Variants in PLAA observed in about 807,000 individuals in gnomAD.
PLAA encodes the protein phospholipase A2 activating protein.
In PLAA, 48 loss-of-function variants were observed where a neutral mutation model predicts 84.1. The ratio of observed to expected loss-of-function variants is 0.57; its 90% CI spans 0.45 to 0.73. The LOEUF (loss-of-function observed/expected upper bound fraction) is 0.73, where lower values mean the gene tolerates loss of function less well. PLAA is among the 30% of genes least tolerant of loss of function. The pLI, the probability that PLAA is intolerant of heterozygous loss-of-function variation, is 0.00. For missense variants in PLAA, 903 were observed against 954.7 expected, an observed-to-expected ratio of 0.95 and a Z score of 0.71; for synonymous variants, 392 against 336.6, an observed-to-expected ratio of 1.16 and a Z score of -1.80.
intron 1 of PLAA, among the ~76,000 whole-genome samples, chr9:26,941,795 C>G (rs1825553538): frequency 6.7e-6 from 1 of 149,990 alleles, no homozygotes; most frequent in Non-Finnish European, 1.5e-5. Context: ...AAAGCAAGTT[C>G]AATATCTGAA....
At chr9:26,946,748 C>T in intron 1 of PLAA, 149 bp downstream of exon 1, 1 of 962,254 alleles carries the variant, frequency 1.0e-6, no homozygotes, top group African/African-American at 1.7e-5. Context: ...TTACAGAGTT[C>T]TAATAGTCTG....
At chr9:26,940,657 G>A (rs1223947586) in intron 1 of PLAA, among the ~76,000 whole-genome samples, 2 of 152,144 alleles carry the variant, frequency 1.3e-5, no homozygotes, top group Non-Finnish European at 2.9e-5. Flanking sequence ...TATGTTTTGT[G>A]TATTGTATCA....
intron 9 of PLAA, among the ~76,000 whole-genome samples, 170 bp from the exon 10 acceptor site, chr9:26,917,335 A>C (rs1267604096): frequency 6.6e-6 from 1 of 152,236 alleles, no homozygotes. Context: ...CTGGGAAAAA[A>C]CTGAAATTTT....
chr9:26,916,655 C>T (rs559435649), intron 10 of PLAA: 4 of 990,296 alleles, frequency 4.0e-6, no homozygotes, highest in Admixed American at 6.0e-5. Flanking sequence ...GGTAGCATCT[C>T]GCCAGTGATA....
chr9:26,925,625 C>T (rs146074640), intron 6 of PLAA, among the ~76,000 whole-genome samples, 200 bp downstream of exon 6: 5 of 151,342 alleles, frequency 3.3e-5, no homozygotes, highest in African/African-American at 1.2e-4. Flanking sequence ...ATTGACTGCA[C>T]AATTGCAGTA....
At chr9:26,907,036 GAA>G (rs59918176) in intron 13 of PLAA, among the ~76,000 whole-genome samples, 12 of 90,468 alleles carry the variant, frequency 1.3e-4, no homozygotes, top group African/African-American at 1.6e-4. Context: ...ACATTTTATT[GAA>G]AAAAAAAAAA....
chr9:26,930,326 G>A (rs1301174981), intron 2 of PLAA, among the ~76,000 whole-genome samples: 1 of 151,908 alleles, frequency 6.6e-6, no homozygotes, highest in Non-Finnish European at 1.5e-5. Context: ...GGATGGTCTC[G>A]ATCTCCTGAC....
intron 2 of PLAA, among the ~76,000 whole-genome samples, chr9:26,928,745 G>A (rs1430191839): frequency 6.6e-6 from 1 of 152,222 alleles, no homozygotes; most frequent in Admixed American, 6.5e-5. Flanking sequence ...GGGAGATAAT[G>A]TAAATGATTT....
chr9:26,937,046 C>A (rs1825382151), intron 1 of PLAA, among the ~76,000 whole-genome samples: 1 of 151,884 alleles, frequency 6.6e-6, no homozygotes, highest in Admixed American at 6.6e-5. Flanking sequence ...GAGGCCGAGG[C>A]AAGAGAATCG....
At chr9:26,946,301 T>A (rs891859768) in intron 1 of PLAA, among the ~76,000 whole-genome samples, 6 of 151,598 alleles carry the variant, frequency 4.0e-5, no homozygotes, top group Non-Finnish European at 7.4e-5. Context: ...ACCCTTCTGA[T>A]AAATCCTTTG....
intron 11 of PLAA, among the ~76,000 whole-genome samples, chr9:26,911,765 TAATC>T (rs1476400831): frequency 1.3e-5 from 2 of 152,226 alleles, no homozygotes; most frequent in Admixed American, 6.5e-5. Flanking sequence ...TTTCAAATCT[TAATC>T]AATTTAAACC....
At chr9:26,925,994 A>C (rs1285352497) in intron 5 of PLAA, 34 bp from the exon 6 acceptor site, 1 of 1,565,184 alleles carries the variant, frequency 6.4e-7, no homozygotes, top group Non-Finnish European at 8.8e-7. Flanking sequence ...TATTAGTTTG[A>C]ATAAAATTAA....
chr9:26,917,031 A>C, intron 10 of PLAA, 66 bp downstream of exon 10: 1 of 1,299,324 alleles, frequency 7.7e-7, no homozygotes, highest in South Asian at 1.2e-5. Flanking sequence ...CAAGATGTAA[A>C]GCCATGTGAT....
intron 12 of PLAA, among the ~76,000 whole-genome samples, chr9:26,908,356 C>T (rs1383342962): frequency 4.6e-5 from 7 of 151,322 alleles, no homozygotes; most frequent in Admixed American, 6.6e-5. Flanking sequence ...TTAGTAGAGA[C>T]GGGGTTTCAC....
intron 2 of PLAA, among the ~76,000 whole-genome samples, chr9:26,931,317 A>G (rs1289609901): frequency 6.6e-6 from 1 of 152,238 alleles, no homozygotes; most frequent in East Asian, 1.9e-4. Flanking sequence ...CTTGGCGATC[A>G]AATGCAGAAA....
At chr9:26,935,995 C>T (rs1002635529) in intron 1 of PLAA, among the ~76,000 whole-genome samples, 1 of 151,930 alleles carries the variant, frequency 6.6e-6, no homozygotes, top group East Asian at 1.9e-4. Flanking sequence ...GTTCAACCAG[C>T]AGATTATGAT....
At chr9:26,945,362 A>T (rs769684584) in intron 1 of PLAA, among the ~76,000 whole-genome samples, 96 of 152,308 alleles carry the variant, frequency 6.3e-4, no homozygotes, top group Non-Finnish European at 1.1e-3. Flanking sequence ...CTTCTACTGG[A>T]TTCAATTTTA....
chr9:26,936,597 C>G (rs1308440313), intron 1 of PLAA, among the ~76,000 whole-genome samples: 1 of 152,208 alleles, frequency 6.6e-6, no homozygotes, highest in Non-Finnish European at 1.5e-5. Flanking sequence ...GTTACCCACA[C>G]CTCACCCTTC....
chr9:26,930,135 C>T (rs1349153563), intron 2 of PLAA, among the ~76,000 whole-genome samples: 3 of 148,454 alleles, frequency 2.0e-5, no homozygotes, highest in Non-Finnish European at 4.5e-5. Context: ...GACAGAGTCT[C>T]GCTCTGTCGC....
Sources: allele counts gnomAD v4.1 joint callset (sites outside exome capture counted in the v4.1 genomes callset), GRCh38; gene constraint gnomAD v4.1.1; transcripts MANE v1.5; gene names NCBI Gene and HGNC (gene_info 2026-07-23, HGNC 2026-07-21).